Variants in FAM124A observed in about 807,000 individuals in gnomAD.
FAM124A encodes the protein family with sequence similarity 124 member A, also known as protein FAM124A.
In FAM124A, 23 loss-of-function variants were observed where a neutral mutation model predicts 24.5. That is an observed-to-expected ratio of 0.94 (90% CI 0.68 to 1.33). The LOEUF (loss-of-function observed/expected upper bound fraction) is 1.33. Among genes scored for constraint, FAM124A ranks in the 40% most tolerant of loss-of-function variants. FAM124A has a pLI of 0.00. For synonymous variants in FAM124A, 287 were observed against 314.7 expected (o/e 0.91, Z 0.93); for missense variants, 623 against 722.8 (o/e 0.86, Z 1.58).
intron 1 of FAM124A, 44 bp downstream of exon 1, chr13:51,222,613 A>T: frequency 4.1e-6 from 5 of 1,215,222 alleles, no homozygotes; most frequent in Non-Finnish European, 4.1e-6. Flanking sequence ...GCGCTCTCCG[A>T]GTTGCGCGGC....
At chr13:51,252,484 A>AC (rs1454652112) in intron 3 of FAM124A, 7 of 493,708 alleles carry the variant, frequency 1.4e-5, no homozygotes, top group Non-Finnish European at 2.5e-5. Flanking sequence ...TCCACTAAAC[A>AC]CCCATGACTC....
intron 3 of FAM124A, among the ~76,000 whole-genome samples, chr13:51,256,988 G>T (rs977870131): frequency 2.6e-5 from 4 of 152,124 alleles, no homozygotes; most frequent in Non-Finnish European, 4.4e-5. Flanking sequence ...TGTCCTCAAG[G>T]TTCATCCATG....
Position 51,242,268 on chromosome 13 carries a change from G to C in FAM124A, c.101-9200G>C, listed in dbSNP as rs115874480. ...TGACAAGCACATAATGTGGTTTAGA[G>C]AGAATTAAAATTACTGAGTAGAAGA... is the stretch of plus-strand genomic sequence containing the variant. On this transcript the variant is annotated intron_variant, in intron 2 of 3. Coordinates refer to ENST00000322475, the MANE Select transcript of FAM124A (RefSeq NM_001242312.2). Among the ~76,000 whole-genome samples, 605 of 152,306 alleles carry C rather than the reference G, an allele frequency of 4.0e-3. 4 individuals carry two copies. Among genetic ancestry groups the C allele is most frequent in the African/African-American group, 0.014 (589 of 41,558 alleles).
In FAM124A at chr13:51,280,476, T is replaced by C. The variant is rs1012055826; in HGVS notation, c.861T>C (p.Pro287=). 6.2e-6 allele frequency: 10 copies of C among 1,609,758 alleles called. No homozygotes were observed. The Admixed American group carries it at 1.3e-4, about 22-fold the overall frequency. The change falls in exon 4 of 4, where the codon CCT becomes CCC. Residue 287 remains proline, a synonymous_variant. Coordinates refer to ENST00000322475, the MANE Select transcript of FAM124A (RefSeq NM_001242312.2). ...CACAAAGGGTGCATAAGAAGTTTCC[T>C]AAACCTGGCAGAGTACATCATGCCT... ...LQAQRVHKKF[P]KPGRVHHASE...
At chr13:51,222,763 AG>A (rs1278121343) in intron 1 of FAM124A, among the ~76,000 whole-genome samples, 194 bp downstream of exon 1, 1 of 152,118 alleles carries the variant, frequency 6.6e-6, no homozygotes, top group Admixed American at 6.5e-5. Context: ...GGGGGAGGAA[AG>A]TGGAAGGACT....
At chr13:51,255,996 T>C (rs1954671200) in intron 3 of FAM124A, among the ~76,000 whole-genome samples, 1 of 152,206 alleles carries the variant, frequency 6.6e-6, no homozygotes. Flanking sequence ...CAGGCTCATG[T>C]GTCCTGCAAC....
In FAM124A at chr13:51,281,693, T is replaced by C. The variant is rs1954941573; in HGVS notation, c.*437T>C. 6.3e-6 allele frequency: 1 copy of C among 157,554 alleles called. No individual in the cohort carries two copies. Among genetic ancestry groups the C allele is most frequent in the Admixed American group, 6.4e-5 (1 of 15,644 alleles). The allele number at this position is 157,554 out of a possible 1,614,324, so 9.8% of individuals were successfully genotyped here. The stretch of plus-strand genomic sequence containing the variant: ...GTGACTTGTATGAGGGATTACTGCA[T>C]AATAACGTAACGCACACCTTACTGG... On this transcript the variant is annotated 3_prime_UTR_variant, in exon 4 of 4. Coordinates refer to ENST00000322475, the MANE Select transcript of FAM124A (RefSeq NM_001242312.2).
intron 3 of FAM124A, among the ~76,000 whole-genome samples, chr13:51,257,872 C>T (rs1431015104): frequency 1.3e-5 from 2 of 152,230 alleles, no homozygotes; most frequent in Admixed American, 1.3e-4. Flanking sequence ...TCTTCTCACA[C>T]ACTTAATCAC....
chr13:51,245,303 A>G lies in FAM124A; in HGVS notation c.101-6165A>G, dbSNP rs576598497. 196 of 657,252 alleles carry G rather than the reference A, an allele frequency of 3.0e-4. 2 individuals carry two copies. The East Asian group carries it at 5.6e-3, about 19-fold the overall frequency. The allele number at this position is 657,252 out of a possible 1,614,324, so 40.7% of individuals were successfully genotyped here. A position where few individuals can be genotyped will look rare whatever the true frequency, so the allele number is the denominator to read the frequency against. On this transcript the variant is annotated intron_variant, in intron 2 of 3. Transcript: ENST00000322475. ...TGGCCGCCCCCCACTTTAATCTTTT[A>G]TTATGCAGATGGATTCTCCACCTGG...
At chr13:51,231,825 T>C (rs1261529252) in intron 2 of FAM124A, among the ~76,000 whole-genome samples, 2 of 152,236 alleles carry the variant, frequency 1.3e-5, no homozygotes, top group African/African-American at 4.8e-5. Flanking sequence ...GGAGGGAACA[T>C]CTATCTCTGG....
chr13:51,222,601 G>A lies in FAM124A; in HGVS notation c.68+32G>A. The A allele has an allele frequency of 2.5e-6, 3 of 1,218,682 alleles. No homozygotes were observed. In the South Asian group the frequency reaches 1.2e-4, roughly 50 times the overall value. The allele number at this position is 1,218,682 out of a possible 1,614,324, so 75.5% of individuals were successfully genotyped here. On this transcript the variant is annotated intron_variant, in intron 1 of 3. Coordinates refer to ENST00000322475, the MANE Select transcript of FAM124A (RefSeq NM_001242312.2). ...CGCGCCGGGCCGGGCCGCGGGCGGG[G>A]GGCGCTCTCCGAGTTGCGCGGCGGC...
rs771095119 is a variant in FAM124A at position 51,251,627 on chromosome 13, C to T, written c.260C>T (p.Ser87Phe). The T allele has an allele frequency of 4.5e-6, 7 of 1,562,890 alleles. No individual in the cohort carries two copies. The African/African-American group carries it at 8.1e-5, about 18-fold the overall frequency. Residue 87 changes from serine to phenylalanine, a missense_variant, in exon 3 of 4, where the codon TCC becomes TTC. Coordinates refer to ENST00000322475, the MANE Select transcript of FAM124A (RefSeq NM_001242312.2). This position sits in a 1 kb window ranked among gnomAD's most constrained non-coding sequence, Gnocchi z 5.3. Reference protein sequence around the residue: ...PLFRVSERRASRRRRKPPKGA... With the variant: ...PLFRVSERRAFRRRRKPPKGA... Reference sequence around the variant, plus strand: ...TTCCGGGTGTCCGAGAGGCGGGCGTCCCGGCGGCGGCGGAAGCCCCCCAAG... The same window carrying T: ...TTCCGGGTGTCCGAGAGGCGGGCGTTCCGGCGGCGGCGGAAGCCCCCCAAG...
chr13:51,267,806 G>A (rs1348935821), intron 3 of FAM124A, among the ~76,000 whole-genome samples: 4 of 152,192 alleles, frequency 2.6e-5, no homozygotes, highest in Non-Finnish European at 5.9e-5. Flanking sequence ...TGCCTTTTCA[G>A]TACTCCTTTA....
At chr13:51,238,994 C>T (rs1472216796) in intron 2 of FAM124A, among the ~76,000 whole-genome samples, 2 of 152,064 alleles carry the variant, frequency 1.3e-5, no homozygotes, top group Non-Finnish European at 2.9e-5. Context: ...GACTTCAACT[C>T]GACAGAGGGT....
intron 3 of FAM124A, among the ~76,000 whole-genome samples, chr13:51,254,156 G>A (rs1954653217): frequency 6.6e-6 from 1 of 152,152 alleles, no homozygotes; most frequent in South Asian, 2.1e-4. Flanking sequence ...CTTTAGCAGT[G>A]TACGTTCCCT....
intron 1 of FAM124A, among the ~76,000 whole-genome samples, chr13:51,231,112 C>T (rs1954372053): frequency 6.6e-6 from 1 of 152,238 alleles, no homozygotes; most frequent in Non-Finnish European, 1.5e-5. Flanking sequence ...CAAACCTCAT[C>T]AGAGGAATTT....
At chr13:51,230,270 G>A (rs2137646750) in intron 1 of FAM124A, among the ~76,000 whole-genome samples, 1 of 152,230 alleles carries the variant, frequency 6.6e-6, no homozygotes, top group South Asian at 2.1e-4. Flanking sequence ...TTTGAGTGAT[G>A]TAGGTTATTT....
intron 3 of FAM124A, among the ~76,000 whole-genome samples, chr13:51,277,009 C>G (rs973781293): frequency 2.6e-5 from 4 of 152,014 alleles, no homozygotes; most frequent in African/African-American, 7.3e-5. Flanking sequence ...AAGATTCTTA[C>G]CAAAAAGATA....
intron 2 of FAM124A, among the ~76,000 whole-genome samples, chr13:51,243,852 TCA>T (rs550170541): frequency 6.6e-6 from 1 of 152,152 alleles, no homozygotes; most frequent in Non-Finnish European, 1.5e-5. Context: ...TGGTCTTTAT[TCA>T]CAGTGTCAGC....
Sources: allele counts gnomAD v4.1 joint callset (sites outside exome capture counted in the v4.1 genomes callset), GRCh38; gene constraint gnomAD v4.1.1; non-coding constraint Gnocchi (gnomAD v3.1); transcripts MANE v1.5; gene names NCBI Gene and HGNC (gene_info 2026-07-23, HGNC 2026-07-21).